LEMD3: variants seen among roughly 807,000 people sequenced by gnomAD.
The protein encoded by LEMD3 is inner nuclear membrane protein Man1.
LEMD3 carries 33 observed loss-of-function variants against 95.2 expected under a neutral mutation model. That is an observed-to-expected ratio of 0.35 (90% confidence interval 0.26 to 0.46). LEMD3 has a LOEUF of 0.46. Ranked by LOEUF, LEMD3 falls within the 20% of genes least tolerant of loss-of-function variation. The pLI is 1.00. For missense variants in LEMD3, 1,210 were observed against 1,192.8 expected, an observed-to-expected ratio of 1.01 and a Z score of -0.21; for synonymous variants, 525 against 474.6, an observed-to-expected ratio of 1.11 and a Z score of -1.38.
At chr12:65,230,855 C>A (rs1870603725) in intron 4 of LEMD3, among the ~76,000 whole-genome samples, 1 of 152,124 alleles carries the variant, frequency 6.6e-6, no homozygotes, top group African/African-American at 2.4e-5. Flanking sequence ...AAGCTTTCAG[C>A]TTTTTCTCAT....
At chr12:65,189,273 A>G (rs1218070465) in intron 1 of LEMD3, among the ~76,000 whole-genome samples, 3 of 152,194 alleles carry the variant, frequency 2.0e-5, no homozygotes, top group African/African-American at 7.2e-5. Flanking sequence ...GACTACTGTC[A>G]TCAAAGGACT....
chr12:65,220,564 T>G (rs1160199130), intron 4 of LEMD3, among the ~76,000 whole-genome samples: 1 of 152,242 alleles, frequency 6.6e-6, no homozygotes, highest in Non-Finnish European at 1.5e-5. Flanking sequence ...CATATGCTTT[T>G]TAGTTTGATG....
At chr12:65,189,442 G>C (rs540513098) in intron 1 of LEMD3, among the ~76,000 whole-genome samples, 5 of 152,304 alleles carry the variant, frequency 3.3e-5, no homozygotes, top group African/African-American at 9.6e-5. Flanking sequence ...TTTGCAGTTT[G>C]AATGTTTCTG....
chr12:65,183,206 T>A (rs1463216738), intron 1 of LEMD3, among the ~76,000 whole-genome samples: 1 of 152,206 alleles, frequency 6.6e-6, no homozygotes, highest in Non-Finnish European at 1.5e-5. Context: ...CTGGTATACC[T>A]AGAATATTAT....
At chr12:65,197,219 A>G (rs1282985005) in intron 1 of LEMD3, among the ~76,000 whole-genome samples, 3 of 152,132 alleles carry the variant, frequency 2.0e-5, no homozygotes, top group Admixed American at 6.6e-5. Context: ...TTGTTTTAAT[A>G]GTAGTCATAT....
intron 1 of LEMD3, among the ~76,000 whole-genome samples, chr12:65,184,746 C>T (rs1371853384): frequency 1.3e-5 from 2 of 152,074 alleles, no homozygotes; most frequent in Non-Finnish European, 2.9e-5. Context: ...GAGGTAGGGG[C>T]TAGTTTTCCA....
chr12:65,210,760 T>C lies in LEMD3; in HGVS notation c.1523-166T>C, dbSNP rs139236309. 2.4e-4 allele frequency among the ~76,000 whole-genome samples: 36 copies of C among 152,318 alleles called. No individual in the cohort carries two copies. In the East Asian group the frequency reaches 5.8e-3, roughly 24 times the overall value. On this transcript the variant is annotated intron_variant, in intron 1 of 12. Coordinates refer to ENST00000308330, the MANE Select transcript of LEMD3 (RefSeq NM_014319.5). ...AAAGTGAGAATGATAAGTATAAGTC[T>C]GAAAAATTACTTCCCTAACCTTTAT...
intron 2 of LEMD3, 99 bp downstream of exon 2, chr12:65,211,062 T>C (rs1239048291): frequency 1.1e-6 from 1 of 913,478 alleles, no homozygotes; most frequent in African/African-American, 1.6e-5. Context: ...TTTAAAGTTA[T>C]TTTAGTCTTA....
At chr12:65,177,004 C>T (rs998256651) in intron 1 of LEMD3, among the ~76,000 whole-genome samples, 1 of 152,162 alleles carries the variant, frequency 6.6e-6, no homozygotes, top group African/African-American at 2.4e-5. Context: ...GCCTCCACAC[C>T]ACTAATAACA....
At chr12:65,195,564 A>G (rs1318740701) in intron 1 of LEMD3, among the ~76,000 whole-genome samples, 1 of 152,130 alleles carries the variant, frequency 6.6e-6, no homozygotes, top group Admixed American at 6.6e-5. Flanking sequence ...GCATGTCTAA[A>G]GGGATTGCTC....
intron 1 of LEMD3, among the ~76,000 whole-genome samples, chr12:65,192,838 AG>A (rs1869285956): frequency 6.6e-6 from 1 of 152,184 alleles, no homozygotes; most frequent in Non-Finnish European, 1.5e-5. Flanking sequence ...AATTTAACTT[AG>A]CAAAACTCCA....
chr12:65,219,568 G>C (rs984231746), intron 4 of LEMD3, among the ~76,000 whole-genome samples: 2 of 151,982 alleles, frequency 1.3e-5, no homozygotes, highest in Non-Finnish European at 2.9e-5. Context: ...TTAAAATTGT[G>C]GTAAAAAATA....
Position 65,246,246 on chromosome 12 carries a change from A to C in LEMD3, c.2657A>C (p.Lys886Thr), listed in dbSNP as rs1871100905. Residue 886 changes from lysine to threonine, a missense_variant, in exon 13 of 13, where the codon AAG becomes ACG. Lys to Thr is a moderately conservative substitution (Grantham distance 78). Transcript: ENST00000308330. ...GCTCTCACTTCCAACACTCCATTGA[A>C]GCCATCAAATAAACATATGAACTCC... ...PQALTSNTPL[K>T]PSNKHMNSMS... The C allele has an allele frequency of 6.2e-7, 1 of 1,613,122 alleles. No individual in the cohort carries two copies. The highest frequency in any genetic ancestry group is 1.7e-5 in the Admixed American group (1 of 59,990).
At chr12:65,231,314 C>T (rs774025994) in intron 4 of LEMD3, among the ~76,000 whole-genome samples, 26 of 151,862 alleles carry the variant, frequency 1.7e-4, no homozygotes, top group Non-Finnish European at 2.9e-4. Flanking sequence ...TTTTTTTCCC[C>T]CAAAAATGTA....
rs1870757128 is a variant in LEMD3 at position 65,235,841 on chromosome 12, T to C, written c.1696-2661T>C. Among the ~76,000 whole-genome samples, 2 of 152,182 alleles carry C rather than the reference T, an allele frequency of 1.3e-5. 1 individual carries two copies. The highest frequency in any genetic ancestry group is 4.1e-4 in the South Asian group (2 of 4,834). ...CATGATTATTTCTAAGTTCATAATA[T>C]CCATTGAAATGATCTCATATATAAA... On this transcript the variant is annotated intron_variant, in intron 4 of 12. Transcript: ENST00000308330.
At chr12:65,200,286 A>G (rs561007263) in intron 1 of LEMD3, among the ~76,000 whole-genome samples, 3 of 152,192 alleles carry the variant, frequency 2.0e-5, no homozygotes, top group African/African-American at 7.2e-5. Context: ...TTTAGTGGGT[A>G]TTTACACCCC....
intron 1 of LEMD3, among the ~76,000 whole-genome samples, chr12:65,183,345 C>G (rs1397414413): frequency 1.3e-5 from 2 of 152,112 alleles, no homozygotes; most frequent in East Asian, 3.9e-4. Context: ...AGCCATATTT[C>G]AAGTGCTCAG....
intron 1 of LEMD3, among the ~76,000 whole-genome samples, chr12:65,206,527 T>G (rs1869769185): frequency 6.6e-6 from 1 of 152,194 alleles, no homozygotes. Flanking sequence ...TGAAGCCAAA[T>G]GAAAATATCT....
At chr12:65,211,905 A>T (rs1241063941) in intron 2 of LEMD3, among the ~76,000 whole-genome samples, 1 of 152,268 alleles carries the variant, frequency 6.6e-6, no homozygotes, top group Non-Finnish European at 1.5e-5. Context: ...AGTAACAATT[A>T]TAATGAAGAT....
Sources: allele counts gnomAD v4.1 joint callset (sites outside exome capture counted in the v4.1 genomes callset), GRCh38; gene constraint gnomAD v4.1.1; transcripts MANE v1.5; gene names NCBI Gene and HGNC (gene_info 2026-07-23, HGNC 2026-07-21).